Variants in AMBN observed in about 807,000 individuals in gnomAD.
AMBN encodes enamel matrix protein.
A neutral mutation model predicts 48.0 loss-of-function variants in AMBN; 54 were observed. That is an observed-to-expected ratio of 1.12 (90% CI 0.90 to 1.41). The LOEUF is 1.41. Ranked by LOEUF, AMBN falls within the 40% of genes most tolerant of loss-of-function variation. AMBN has a pLI of 0.00. For synonymous variants in AMBN, 186 were observed against 190.0 expected, an observed-to-expected ratio of 0.98 and a Z score of 0.17; for missense variants, 571 against 547.3, an observed-to-expected ratio of 1.04 and a Z score of -0.43.
intron 5 of AMBN, among the ~76,000 whole-genome samples, chr4:70,601,180 A>C (rs1289824456): frequency 2.0e-5 from 3 of 152,178 alleles, no homozygotes; most frequent in Non-Finnish European, 4.4e-5. Flanking sequence ...CAGGAGGTTC[A>C]TGTAGCTTCA....
intron 12 of AMBN, 120 bp from the exon 13 acceptor site, chr4:70,606,065 C>A: frequency 8.5e-7 from 1 of 1,175,556 alleles, no homozygotes; most frequent in Non-Finnish European, 1.2e-6. Context: ...TATCAATCAG[C>A]CAACTTCCTA....
rs748519925 is a variant in AMBN, at chr4:70,606,287, G to C, written c.901G>C (p.Asp301His). The C allele has an allele frequency of 3.1e-6, 5 of 1,614,128 alleles. No individual in the cohort carries two copies. The highest frequency in any genetic ancestry group is 1.1e-5 in the South Asian group (1 of 91,072). ...GMPHNPAMGGDFTLEFDSPVA... is the reference protein window; with the variant it reads ...GMPHNPAMGGHFTLEFDSPVA... ...GCCCCACAACCCAGCTATGGGCGGTGACTTCACTCTGGAATTTGACTCCCC... is the reference window on the plus strand; with the variant it reads ...GCCCCACAACCCAGCTATGGGCGGTCACTTCACTCTGGAATTTGACTCCCC... The change falls in exon 13 of 13, where the codon GAC (aspartate) becomes CAC (histidine). Residue 301 changes from aspartate (D) to histidine (H), a missense_variant. Transcript: ENST00000322937.
rs1485531384 is a variant in AMBN at position 70,606,852 on chromosome 4, T to C, written c.*122T>C. 2.7e-6 allele frequency: 3 copies of C among 1,109,100 alleles called. No individual in the cohort carries two copies. Among genetic ancestry groups the C allele is most frequent in the Admixed American group, 5.7e-5 (2 of 34,788 alleles). The allele number at this position is 1,109,100 out of a possible 1,614,324, so 68.7% of individuals were successfully genotyped here. A position where few individuals can be genotyped will look rare whatever the true frequency, so the allele number is the denominator to read the frequency against. ...GCAAAGGCATTAAAAGCGCTAAGCA[T>C]ATATTAATAAATGCAAGTGGCTAGA... On this transcript the variant is annotated 3_prime_UTR_variant, in exon 13 of 13. Coordinates refer to ENST00000322937, the MANE Select transcript of AMBN (RefSeq NM_016519.6).
In AMBN at chr4:70,592,258, G is replaced by A; in HGVS notation, c.-101G>A. The stretch of plus-strand genomic sequence containing the variant: ...AAGGTTTCTAATCTTCCCTGAATGA[G>A]AAGTACAGAGCAAGTCCCACGCACA... On this transcript the variant is annotated 5_prime_UTR_variant, in exon 1 of 13. Coordinates refer to ENST00000322937, the MANE Select transcript of AMBN (RefSeq NM_016519.6). The A allele has an allele frequency of 3.5e-6, 4 of 1,131,388 alleles. No homozygotes were observed. Among genetic ancestry groups the A allele is most frequent in the Non-Finnish European group, 5.1e-6 (4 of 779,938 alleles). The allele number at this position is 1,131,388 out of a possible 1,614,324, so 70.1% of individuals were successfully genotyped here.
At chr4:70,604,876 G>A (rs1200463061) in intron 12 of AMBN, among the ~76,000 whole-genome samples, 1 of 151,852 alleles carries the variant, frequency 6.6e-6, no homozygotes, top group African/African-American at 2.4e-5. Context: ...GCCTGTAGTC[G>A]CAGCTACTCA....
rs771414577 is a variant in AMBN, at chr4:70,602,650, A to G, written c.558A>G (p.Pro186=). 6.4e-7 allele frequency: 1 copy of G among 1,573,210 alleles called. No homozygotes were observed. Among genetic ancestry groups the G allele is most frequent in the East Asian group, 2.3e-5 (1 of 44,342 alleles). ...PELPGVDFAD[P]QGPSLPGMDF... ...TCCCAGGAGTAGATTTTGCTGATCC[A>G]CAAGGTCCATCAGTAAGTACAGATC... Residue 186 remains proline (P), a synonymous_variant, in exon 7 of 13, where the codon CCA becomes CCG. Transcript: ENST00000322937.
Position 70,593,389 on chromosome 4 carries a change from A to G in AMBN, c.78A>G (p.Ala26=), listed in dbSNP as rs755136801. The part of the protein sequence containing the change: ...LILCLLEMSF[A]VPFFPQQSGT... ...TATGCCTCCTGGAAATGAGTTTTGC[A>G]GTGCCGGTAAGTCAGTCTTTAGAGT... Residue 26 remains alanine (A), a synonymous_variant, in exon 2 of 13, where the codon GCA becomes GCG. Transcript: ENST00000322937. 3 of 1,611,070 alleles carry G rather than the reference A, an allele frequency of 1.9e-6. No homozygotes were observed. Among genetic ancestry groups the G allele is most frequent in the African/African-American group, 1.3e-5 (1 of 74,858 alleles).
At chr4:70,595,938 T>C (rs938231885) in intron 2 of AMBN, among the ~76,000 whole-genome samples, 1 of 152,200 alleles carries the variant, frequency 6.6e-6, no homozygotes, top group African/African-American at 2.4e-5. Flanking sequence ...GGAGGATTAC[T>C]TGAGCTCAGG....
chr4:70,598,276 A>T, intron 3 of AMBN, 80 bp from the exon 4 acceptor site: 1 of 939,944 alleles, frequency 1.1e-6, no homozygotes, highest in Non-Finnish European at 1.5e-6. Flanking sequence ...TTGTGTTGAT[A>T]ATGTCAAATA....
At chr4:70,594,493 G>C (rs1473606767) in intron 2 of AMBN, among the ~76,000 whole-genome samples, 1 of 152,202 alleles carries the variant, frequency 6.6e-6, no homozygotes, top group Non-Finnish European at 1.5e-5. Flanking sequence ...CTCACAGTTG[G>C]CCTCAAATGA....
At chr4:70,596,871 T>C (rs1737394315) in intron 2 of AMBN, 128 bp from the exon 3 acceptor site, 1 of 611,506 alleles carries the variant, frequency 1.6e-6, no homozygotes, top group Non-Finnish European at 2.8e-6. Context: ...CTCAAGTCAT[T>C]TGCATAATAA....
At position 70,606,204 on chromosome 4, in the gene AMBN, T is replaced by G; in HGVS notation, c.818T>G (p.Met273Arg). ...TTCCAGGGCGGGAGAGAAGACCCAA[T>G]GGCCTATGGAGCCATGTTTCCAGGA... ...EEVAGGREDP[M>R]AYGAMFPGFG... Residue 273 changes from methionine to arginine, a missense_variant, in exon 13 of 13, where the codon ATG (methionine) becomes AGG (arginine). Coordinates refer to ENST00000322937, the MANE Select transcript of AMBN (RefSeq NM_016519.6). The G allele has an allele frequency of 6.2e-7, 1 of 1,614,030 alleles. No homozygotes were observed. The highest frequency in any genetic ancestry group is 1.1e-5 in the South Asian group (1 of 91,082).
chr4:70,603,069 A>C (rs1737561015), intron 9 of AMBN, 59 bp downstream of exon 9: 1 of 1,535,868 alleles, frequency 6.5e-7, no homozygotes, highest in Non-Finnish European at 8.8e-7. Context: ...ATTTCAAAAA[A>C]TAAGAGTGAA....
chr4:70,592,501 C>T (rs1737295668), intron 1 of AMBN, 128 bp downstream of exon 1: 3 of 1,005,162 alleles, frequency 3.0e-6, no homozygotes, highest in South Asian at 1.4e-5. Context: ...TGTTGTAATC[C>T]ATTAGCATGT....
At chr4:70,604,950 G>A (rs1327805245) in intron 12 of AMBN, among the ~76,000 whole-genome samples, 1 of 150,778 alleles carries the variant, frequency 6.6e-6, no homozygotes, top group South Asian at 2.1e-4. Flanking sequence ...CTGAGATCAC[G>A]CCACTGCACT....
intron 10 of AMBN, 36 bp downstream of exon 10, chr4:70,603,355 T>C (rs1355910579): frequency 6.2e-7 from 1 of 1,613,006 alleles, no homozygotes; most frequent in East Asian, 2.2e-5. Context: ...CTGTTTGCAA[T>C]TTACTTAAAA....
chr4:70,592,331 G>C lies in AMBN; in HGVS notation c.-28G>C. ...TCTTTTCTTAGAACTATCTTGGTTG[G>C]CATCATCAGGCCCTGAGAGCACAGT... On this transcript the variant is annotated 5_prime_UTR_variant, in exon 1 of 13. Coordinates refer to ENST00000322937, the MANE Select transcript of AMBN (RefSeq NM_016519.6). 1 of 1,613,510 alleles carries C rather than the reference G, an allele frequency of 6.2e-7. No individual in the cohort carries two copies.
At position 70,598,363 on chromosome 4, in the gene AMBN, G is replaced by A. The variant is rs761595217; in HGVS notation, c.143G>A (p.Arg48Lys). 5 of 1,582,694 alleles carry A rather than the reference G, an allele frequency of 3.2e-6. No individual in the cohort carries two copies. The Admixed American group carries it at 8.9e-5, about 28-fold the overall frequency. ...GMASLSLETMRQLGSLQRLNT... is the reference protein window; with the variant it reads ...GMASLSLETMKQLGSLQRLNT... ...ACTTTTTTTTCTTGATAGACAATGA[G>A]ACAGTTGGGAAGTCTGCAGAGATTA... The change falls in exon 4 of 13, where the codon AGA (arginine) becomes AAA (lysine). Residue 48 changes from arginine (R) to lysine (K), a missense_variant. By Grantham distance (26) the Arg-to-Lys change is conservative. Coordinates refer to ENST00000322937, the MANE Select transcript of AMBN (RefSeq NM_016519.6).
At chr4:70,601,176 G>T (rs1737511588) in intron 5 of AMBN, among the ~76,000 whole-genome samples, 1 of 152,140 alleles carries the variant, frequency 6.6e-6, no homozygotes, top group South Asian at 2.1e-4. Flanking sequence ...CTACCAGGAG[G>T]TTCATGTAGC....
Sources: allele counts gnomAD v4.1 joint callset (sites outside exome capture counted in the v4.1 genomes callset), GRCh38; gene constraint gnomAD v4.1.1; transcripts MANE v1.5; gene names NCBI Gene and HGNC (gene_info 2026-07-23, HGNC 2026-07-21).